Variants in SP100 observed in about 807,000 individuals in gnomAD.
SP100 encodes the protein nuclear autoantigen Sp-100.
In SP100, 84 loss-of-function variants were observed where a neutral mutation model predicts 130.0. The ratio of observed to expected loss-of-function variants is 0.65; its 90% confidence interval spans 0.54 to 0.77. The LOEUF is 0.77. Ranked by LOEUF, SP100 falls within the 30% of genes least tolerant of loss-of-function variation. The pLI, the probability that SP100 is intolerant of heterozygous loss-of-function variation, is 0.00. For synonymous variants in SP100, 331 were observed against 351.7 expected (o/e 0.94, Z 0.66); for missense variants, 978 against 1,052.2 (o/e 0.93, Z 0.97).
chr2:230,530,855 A>T (rs967130281), intron 24 of SP100, among the ~76,000 whole-genome samples: 3 of 152,250 alleles, frequency 2.0e-5, no homozygotes, highest in African/African-American at 7.2e-5. Flanking sequence ...AATGCAAATG[A>T]AAACCACAAT....
intron 19 of SP100, among the ~76,000 whole-genome samples, chr2:230,500,133 C>A (rs553033553): frequency 1.3e-5 from 2 of 151,774 alleles, no homozygotes; most frequent in South Asian, 4.2e-4. Flanking sequence ...TTAGTCCCTG[C>A]TATGAAAAAA....
At chr2:230,454,736 A>G (rs748671651) in intron 8 of SP100, among the ~76,000 whole-genome samples, 1 of 152,196 alleles carries the variant, frequency 6.6e-6, no homozygotes, top group Non-Finnish European at 1.5e-5. Flanking sequence ...CTCATGTACA[A>G]TTGAGAAGAA....
chr2:230,469,163 TTTATG>T, intron 14 of SP100, 67 bp downstream of exon 14: 1 of 984,968 alleles, frequency 1.0e-6, no homozygotes, highest in African/African-American at 1.6e-5. Context: ...ACATTCACTT[TTTATG>T]TTATATCCTT....
chr2:230,457,802 G>C (rs1317863147), intron 8 of SP100, among the ~76,000 whole-genome samples: 1 of 152,120 alleles, frequency 6.6e-6, no homozygotes, highest in Admixed American at 6.5e-5. Flanking sequence ...TGGAGGGCTG[G>C]AGAGTCCTAT....
chr2:230,441,184 A>C (rs965281213), intron 2 of SP100, among the ~76,000 whole-genome samples: 1 of 152,242 alleles, frequency 6.6e-6, no homozygotes, highest in African/African-American at 2.4e-5. Context: ...TACAAAAAAT[A>C]AATTGCCAAT....
At chr2:230,447,862 T>C (rs1437584350) in intron 5 of SP100, among the ~76,000 whole-genome samples, 1 of 152,042 alleles carries the variant, frequency 6.6e-6, no homozygotes, top group Non-Finnish European at 1.5e-5. Flanking sequence ...TCCCTGGAGG[T>C]CAAGAGGTGG....
At chr2:230,497,474 G>GATGA in intron 18 of SP100, among the ~76,000 whole-genome samples, 1 of 72,078 alleles carries the variant, frequency 1.4e-5, no homozygotes, top group Non-Finnish European at 2.8e-5. Context: ...GGAAGGAGGG[G>GATGA]AGGGGAGGGG....
chr2:230,470,159 C>T, intron 15 of SP100, 61 bp downstream of exon 15: 2 of 1,551,518 alleles, frequency 1.3e-6, no homozygotes, highest in Non-Finnish European at 1.7e-6. Flanking sequence ...GAATTAAAAG[C>T]TGCTGTTTCC....
chr2:230,521,003 T>C (rs1016794920), intron 24 of SP100, among the ~76,000 whole-genome samples: 9 of 152,208 alleles, frequency 5.9e-5, no homozygotes, highest in Admixed American at 4.6e-4. Flanking sequence ...TTAATCAGTA[T>C]GTCAACAACT....
chr2:230,433,729 A>G (rs992267834), intron 2 of SP100, among the ~76,000 whole-genome samples: 2 of 151,676 alleles, frequency 1.3e-5, no homozygotes, highest in African/African-American at 4.8e-5. Flanking sequence ...TAAATGTTTT[A>G]TTATTTTGCC....
chr2:230,424,837 A>C (rs1455128576), intron 2 of SP100, among the ~76,000 whole-genome samples: 1 of 151,660 alleles, frequency 6.6e-6, no homozygotes, highest in East Asian at 1.9e-4. Context: ...GGGAAGTTTT[A>C]TGGTAATAGG....
intron 17 of SP100, among the ~76,000 whole-genome samples, chr2:230,474,687 C>T (rs919073671): frequency 2.6e-5 from 4 of 152,130 alleles, no homozygotes; most frequent in Admixed American, 6.5e-5. Context: ...ACCCTCTCCC[C>T]CTGCCCCATC....
In SP100 at chr2:230,541,286, C is replaced by T. The variant is rs759739580; in HGVS notation, c.2332-15C>T. The stretch of plus-strand genomic sequence containing the variant: ...TAAATTGCATTTAATTTGAAATGGC[C>T]TCCATCTTTTGCAGAAATGTGAATT... On this transcript the variant is annotated splice_polypyrimidine_tract_variant and intron_variant, in intron 26 of 28. Transcript: ENST00000340126. The T allele has an allele frequency of 1.2e-6, 2 of 1,611,618 alleles. No homozygotes were observed. The highest frequency in any genetic ancestry group is 8.5e-7 in the Non-Finnish European group (1 of 1,178,444).
chr2:230,462,415 G>GT lies in SP100; in HGVS notation c.974-15dup. On this transcript the variant is annotated intron_variant, in intron 9 of 28. Coordinates refer to ENST00000340126, the MANE Select transcript of SP100 (RefSeq NM_001080391.2). The stretch of plus-strand genomic sequence containing the variant: ...TGGTCACACCCTGAGACTCTTAATG[G>GT]TTTTTGCTCCTTTGTGCAGTCATCA... The GT allele has an allele frequency of 6.2e-7, 1 of 1,604,468 alleles. No homozygotes were observed. Among genetic ancestry groups the GT allele is most frequent in the Non-Finnish European group, 8.5e-7 (1 of 1,171,368 alleles).
rs1245366110 is a variant in SP100 at position 230,428,923 on chromosome 2, A to T, written c.107+11258A>T. Among the ~76,000 whole-genome samples the T allele has an allele frequency of 2.7e-4, 41 of 152,202 alleles. 1 individual carries two copies. Among genetic ancestry groups the T allele is most frequent in the Admixed American group, 2.7e-3 (41 of 15,290 alleles). On this transcript the variant is annotated intron_variant, in intron 2 of 28. Coordinates refer to ENST00000340126, the MANE Select transcript of SP100 (RefSeq NM_001080391.2). ...GAGCCAACTATATTAATTGCTATAG[A>T]TATAATTATTTTTAATAGTTTGTTT... is the stretch of plus-strand genomic sequence containing the variant.
intron 24 of SP100, among the ~76,000 whole-genome samples, chr2:230,529,237 G>A (rs904359196): frequency 1.1e-4 from 17 of 152,152 alleles, no homozygotes; most frequent in African/African-American, 3.6e-4. Context: ...CCATGATCAA[G>A]TCACCTTCAT....
chr2:230,467,202 G>T lies in SP100; in HGVS notation c.1278G>T (p.Lys426Asn), dbSNP rs991232214. The T allele has an allele frequency of 3.1e-6, 5 of 1,613,202 alleles. No individual in the cohort carries two copies. Among genetic ancestry groups the T allele is most frequent in the Non-Finnish European group, 4.2e-6 (5 of 1,179,288 alleles). Reference protein sequence around the residue: ...AEASSGALRSKHGEKAPMTSR... With the variant: ...AEASSGALRSNHGEKAPMTSR... ...CCTCGAGCGGGGCACTGAGAAGCAA[G>T]CATGGTGAGAAGGGTAAGAACAGCT... The change falls in exon 13 of 29, where the codon AAG becomes AAT. Residue 426 changes from lysine to asparagine, a missense_variant. Lys to Asn is a moderately conservative substitution (Grantham distance 94). Coordinates refer to ENST00000340126, the MANE Select transcript of SP100 (RefSeq NM_001080391.2).
intron 25 of SP100, 55 bp downstream of exon 25, chr2:230,539,437 C>G: frequency 1.6e-6 from 2 of 1,221,142 alleles, no homozygotes; most frequent in Non-Finnish European, 2.4e-6. Context: ...TACAGCTCCT[C>G]CTGCCACTCA....
intron 11 of SP100, among the ~76,000 whole-genome samples, chr2:230,465,444 C>T (rs140093418): frequency 2.0e-5 from 3 of 152,168 alleles, no homozygotes; most frequent in South Asian, 2.1e-4. Context: ...TTTGAGAGAA[C>T]GTAAATGGAG....
Sources: allele counts gnomAD v4.1 joint callset (sites outside exome capture counted in the v4.1 genomes callset), GRCh38; gene constraint gnomAD v4.1.1; transcripts MANE v1.5; gene names NCBI Gene and HGNC (gene_info 2026-07-23, HGNC 2026-07-21).